The following ATP6V1H variants were observed in gnomAD, a reference collection of about 807,000 sequenced individuals.
The protein encoded by ATP6V1H is V-type proton ATPase subunit H.
A neutral mutation model predicts 71.7 loss-of-function variants in ATP6V1H; 39 were observed. That is an observed-to-expected ratio of 0.54 (90% confidence interval 0.42 to 0.71). The LOEUF (loss-of-function observed/expected upper bound fraction) is 0.71. ATP6V1H is among the 30% of genes least tolerant of loss of function. The probability of loss-of-function intolerance (pLI) is 0.00; values close to 1 mark genes in which losing one functional copy is unlikely to be tolerated. For synonymous variants in ATP6V1H, 192 were observed against 199.3 expected, an observed-to-expected ratio of 0.96 and a Z score of 0.31; for missense variants, 509 against 594.9, an observed-to-expected ratio of 0.86 and a Z score of 1.50.
intron 2 of ATP6V1H, among the ~76,000 whole-genome samples, chr8:53,840,226 G>A (rs1192177559): frequency 1.3e-5 from 2 of 152,164 alleles, no homozygotes; most frequent in African/African-American, 2.4e-5. Context: ...AGCCGGGCAC[G>A]GTGGCTCACG....
rs998469288 is a variant in ATP6V1H, at chr8:53,763,157, T to C, written c.1175+6461A>G. ...GAAGCTAAAAGTTATACACGGCTTT[T>C]TGACTGTGGGGGAGGAGGGTCGGCA... On this transcript the variant is annotated intron_variant, in intron 11 of 13. Coordinates refer to ENST00000359530, the MANE Select transcript of ATP6V1H (RefSeq NM_015941.4). 4.6e-5 allele frequency among the ~76,000 whole-genome samples: 7 copies of C among 152,300 alleles called. No individual in the cohort carries two copies. In the East Asian group the frequency reaches 1.2e-3, roughly 25 times the overall value.
chr8:53,755,362 G>A (rs1015697827), intron 12 of ATP6V1H, among the ~76,000 whole-genome samples: 4 of 151,522 alleles, frequency 2.6e-5, no homozygotes, highest in African/African-American at 7.3e-5. Flanking sequence ...GGTCTGAAAG[G>A]GCCAAGTACA....
At chr8:53,781,074 T>G (rs1400253899) in intron 9 of ATP6V1H, among the ~76,000 whole-genome samples, 10 of 152,336 alleles carry the variant, frequency 6.6e-5, no homozygotes, top group Admixed American at 5.9e-4. Context: ...GATGGCTGGG[T>G]CAAATGGTAT....
intron 12 of ATP6V1H, among the ~76,000 whole-genome samples, chr8:53,752,335 T>C (rs1807825178): frequency 6.6e-6 from 1 of 152,192 alleles, no homozygotes; most frequent in Non-Finnish European, 1.5e-5. Flanking sequence ...CAACACTCTA[T>C]TTTCTTGCTT....
intron 9 of ATP6V1H, among the ~76,000 whole-genome samples, chr8:53,783,094 T>C (rs1263647537): frequency 6.6e-6 from 1 of 152,160 alleles, no homozygotes; most frequent in Non-Finnish European, 1.5e-5. Flanking sequence ...TTTCTATTGA[T>C]TGGAATAGTT....
chr8:53,817,519 C>T lies in ATP6V1H; in HGVS notation c.318G>A (p.Gln106=), dbSNP rs1013517265. The change falls in exon 5 of 14, where the codon CAG becomes CAA. Residue 106 remains glutamine (Q), a synonymous_variant. Coordinates refer to ENST00000359530, the MANE Select transcript of ATP6V1H (RefSeq NM_015941.4). ...CATAGTCAAAGAAAATGCTAACACG[C>T]TGATGATTTTCCTAAAAAAGAAAAG... The part of the protein sequence containing the change: ...MVDDMLQENH[Q]RVSIFFDYAR... The T allele has an allele frequency of 6.2e-7, 1 of 1,608,288 alleles. No individual in the cohort carries two copies. Among genetic ancestry groups the T allele is most frequent in the African/African-American group, 1.3e-5 (1 of 74,666 alleles).
rs774132065 is a variant in ATP6V1H at position 53,832,996 on chromosome 8, A to G, written c.204T>C (p.Thr68=). The G allele has an allele frequency of 1.9e-6, 3 of 1,611,584 alleles. No individual in the cohort carries two copies. In the East Asian group the frequency reaches 6.7e-5, roughly 36 times the overall value. The change falls in exon 3 of 14, where the codon ACT becomes ACC. Residue 68 remains threonine (T), a synonymous_variant. Transcript: ENST00000359530. ...SPEEKQEMLQ[T]EGSQCAKTFI... ...GTTTATTCATCACCTGGCTGCCTTCAGTTTGAAGCATCTCTTGCTTCTCTT... is the reference window on the plus strand; with the variant it reads ...GTTTATTCATCACCTGGCTGCCTTCGGTTTGAAGCATCTCTTGCTTCTCTT...
chr8:53,796,515 A>G (rs1809746027), intron 8 of ATP6V1H, among the ~76,000 whole-genome samples: 1 of 105,660 alleles, frequency 9.5e-6, no homozygotes, highest in South Asian at 3.2e-4. Context: ...TCATCAAATA[A>G]AAAAAAAAAC....
chr8:53,841,492 G>T, intron 2 of ATP6V1H, 86 bp downstream of exon 2: 1 of 1,427,122 alleles, frequency 7.0e-7, no homozygotes, highest in South Asian at 1.2e-5. Context: ...TATTTTCCCT[G>T]TATTTCTCTC....
At chr8:53,816,164 C>A (rs2130477667) in intron 5 of ATP6V1H, among the ~76,000 whole-genome samples, 1 of 152,180 alleles carries the variant, frequency 6.6e-6, no homozygotes, top group Non-Finnish European at 1.5e-5. Flanking sequence ...ATAATGTCCA[C>A]AACATATAAA....
intron 1 of ATP6V1H, 50 bp downstream of exon 1, chr8:53,842,984 G>A (rs980578115): frequency 6.6e-6 from 1 of 152,388 alleles, no homozygotes; most frequent in Non-Finnish European, 1.5e-5. Context: ...TGCAAGAGTC[G>A]CCTGACCTGG....
rs1256402835 is a variant in ATP6V1H, at chr8:53,809,019, C to T, written c.579+2145G>A. 3.3e-5 allele frequency among the ~76,000 whole-genome samples: 5 copies of T among 152,026 alleles called. No homozygotes were observed. The Admixed American group carries it at 3.3e-4, about 10-fold the overall frequency. On this transcript the variant is annotated intron_variant, in intron 7 of 13. Coordinates refer to ENST00000359530, the MANE Select transcript of ATP6V1H (RefSeq NM_015941.4). Reference sequence around the variant, plus strand: ...AAAGATATGATTTAAAGATGTGATACTGATACCTTAAAAAGTCTGAGTAAG... The same window carrying T: ...AAAGATATGATTTAAAGATGTGATATTGATACCTTAAAAAGTCTGAGTAAG...
intron 13 of ATP6V1H, among the ~76,000 whole-genome samples, chr8:53,729,447 C>T (rs1245800241): frequency 2.0e-5 from 3 of 152,148 alleles, no homozygotes; most frequent in Non-Finnish European, 2.9e-5. Flanking sequence ...AGTCCCCCAA[C>T]GTGCAAGAAA....
rs1027378550 is a variant in ATP6V1H, at chr8:53,723,806, A to T, written c.1392-7782T>A. Reference sequence around the variant, plus strand: ...CCTTCCCATGGGGTCACAACGCAGTATGTGCTTGCTGCCTCACCGTGGGAT... The same window carrying T: ...CCTTCCCATGGGGTCACAACGCAGTTTGTGCTTGCTGCCTCACCGTGGGAT... On this transcript the variant is annotated intron_variant, in intron 13 of 13. Coordinates refer to ENST00000359530, the MANE Select transcript of ATP6V1H (RefSeq NM_015941.4). 3.9e-5 allele frequency among the ~76,000 whole-genome samples: 6 copies of T among 152,342 alleles called. No individual in the cohort carries two copies. The East Asian group carries it at 9.6e-4, about 24-fold the overall frequency.
Position 53,769,747 on chromosome 8 carries a change from TA to T in ATP6V1H, c.1050-5del. On this transcript the variant is annotated splice_polypyrimidine_tract_variant and splice_region_variant and intron_variant, in intron 10 of 13. Coordinates refer to ENST00000359530, the MANE Select transcript of ATP6V1H (RefSeq NM_015941.4). Reference sequence around the variant, plus strand: ...TGAACTGTATTCATCAAATGAACTATAAAAATGTTCAAAAGAATTCAAGGTT... The same window carrying T: ...TGAACTGTATTCATCAAATGAACTATAAAATGTTCAAAAGAATTCAAGGTT... The T allele has an allele frequency of 6.3e-7, 1 of 1,594,902 alleles. No homozygotes were observed. The highest frequency in any genetic ancestry group is 8.5e-7 in the Non-Finnish European group (1 of 1,172,582).
At chr8:53,835,911 C>T (rs1447040166) in intron 2 of ATP6V1H, among the ~76,000 whole-genome samples, 12 of 152,098 alleles carry the variant, frequency 7.9e-5, no homozygotes, top group African/African-American at 2.2e-4. Context: ...ACACCCCCTG[C>T]GCTGAACTCT....
chr8:53,759,778 A>C (rs1808200826), intron 11 of ATP6V1H, among the ~76,000 whole-genome samples: 1 of 152,194 alleles, frequency 6.6e-6, no homozygotes, highest in Non-Finnish European at 1.5e-5. Flanking sequence ...TACTCAAAAT[A>C]TATATTTATT....
At chr8:53,769,882 G>A (rs1241959318) in intron 10 of ATP6V1H, 139 bp from the exon 11 acceptor site, 4 of 708,966 alleles carry the variant, frequency 5.6e-6, no homozygotes, top group Non-Finnish European at 6.6e-6. Context: ...ACCACCAAAC[G>A]AACTTTAAAC....
intron 13 of ATP6V1H, among the ~76,000 whole-genome samples, chr8:53,724,256 G>T (rs1806726356): frequency 6.6e-6 from 1 of 152,168 alleles, no homozygotes; most frequent in Non-Finnish European, 1.5e-5. Context: ...ATCTGCCAGT[G>T]GGGTAGGTCA....
Sources: allele counts gnomAD v4.1 joint callset (sites outside exome capture counted in the v4.1 genomes callset), GRCh38; gene constraint gnomAD v4.1.1; transcripts MANE v1.5; gene names NCBI Gene and HGNC (gene_info 2026-07-23, HGNC 2026-07-21).